Variants in ESRRG observed in about 807,000 individuals in gnomAD.
ESRRG encodes the protein estrogen related receptor gamma, also known as estrogen-related receptor gamma.
A neutral mutation model predicts 44.0 loss-of-function variants in ESRRG; 13 were observed. That is an observed-to-expected ratio of 0.30 (90% confidence interval 0.19 to 0.47). The LOEUF (loss-of-function observed/expected upper bound fraction) is 0.47, where lower values mean the gene tolerates loss of function less well. ESRRG is among the 20% of genes least tolerant of loss of function. The pLI, the probability that ESRRG is intolerant of heterozygous loss-of-function variation, is 1.00. For missense variants in ESRRG, 395 were observed against 580.6 expected (o/e 0.68, Z 3.29); for synonymous variants, 215 against 214.6 (o/e 1.00, Z -0.02).
chr1:216,662,396 T>C (rs1167135173), intron 2 of ESRRG, among the ~76,000 whole-genome samples: 2 of 151,932 alleles, frequency 1.3e-5, no homozygotes, highest in Non-Finnish European at 2.9e-5. Flanking sequence ...CAAAAAACAG[T>C]AATTACCCCA....
At chr1:216,561,004 C>A (rs1274645612) in intron 5 of ESRRG, among the ~76,000 whole-genome samples, 2 of 152,136 alleles carry the variant, frequency 1.3e-5, no homozygotes, top group African/African-American at 4.8e-5. Flanking sequence ...GCTCCTCCAA[C>A]TAAAGTCAAG....
chr1:216,995,999 T>C (rs919861654), intron 1 of ESRRG, among the ~76,000 whole-genome samples: 7 of 151,938 alleles, frequency 4.6e-5, no homozygotes, highest in Admixed American at 4.6e-4. Flanking sequence ...CAAAGGAAAA[T>C]CAAGTAATAA....
Position 216,519,140 on chromosome 1 carries a change from C to T in ESRRG, c.1132+12G>A. On this transcript the variant is annotated intron_variant, in intron 6 of 6. Transcript: ENST00000408911. ...AAAAAAAATGTAACAATGACTATGT[C>T]AGTATGCCAACCTGAATTAGCAAGA... is the stretch of plus-strand genomic sequence containing the variant. 6.2e-7 allele frequency: 1 copy of T among 1,610,956 alleles called. No homozygotes were observed. Among genetic ancestry groups the T allele is most frequent in the Non-Finnish European group, 8.5e-7 (1 of 1,178,306 alleles).
chr1:217,060,503 T>G (rs2088144220), intron 1 of ESRRG, among the ~76,000 whole-genome samples: 1 of 152,114 alleles, frequency 6.6e-6, no homozygotes, highest in African/African-American at 2.4e-5. Context: ...ATAATTAAGA[T>G]GAGAGAGCCA....
intron 3 of ESRRG, among the ~76,000 whole-genome samples, chr1:216,595,408 T>G (rs1042586055): frequency 1.2e-4 from 19 of 152,202 alleles, no homozygotes; most frequent in Admixed American, 9.2e-4. Context: ...ATGATTGAAT[T>G]TATTTATTTT....
chr1:217,135,140 C>G (rs2093031024), intron 1 of ESRRG, among the ~76,000 whole-genome samples: 1 of 152,232 alleles, frequency 6.6e-6, no homozygotes, highest in Admixed American at 6.5e-5. Context: ...CAGGTCAGAG[C>G]TACTGCGAAA....
chr1:216,929,806 C>T (rs12736559), intron 2 of ESRRG, among the ~76,000 whole-genome samples: 1 of 152,100 alleles, frequency 6.6e-6, no homozygotes, highest in African/African-American at 2.4e-5. Context: ...CCCCCCAGGT[C>T]TCTTCCTCCT....
At chr1:216,826,887 T>C (rs777282594) in intron 2 of ESRRG, among the ~76,000 whole-genome samples, 1 of 152,218 alleles carries the variant, frequency 6.6e-6, no homozygotes, top group Non-Finnish European at 1.5e-5. Flanking sequence ...CAATAATCAG[T>C]TGATCACGTG....
At chr1:216,666,185 C>T (rs757241039) in intron 2 of ESRRG, among the ~76,000 whole-genome samples, 28 of 152,136 alleles carry the variant, frequency 1.8e-4, no homozygotes, top group Non-Finnish European at 2.5e-4. Context: ...TCCCCCACAA[C>T]TAGTTACCAA....
intron 2 of ESRRG, among the ~76,000 whole-genome samples, chr1:216,859,583 T>C (rs552802833): frequency 3.7e-4 from 56 of 152,254 alleles, no homozygotes; most frequent in Middle Eastern, 3.4e-3. Flanking sequence ...AGTGCTTACA[T>C]AAGACTAGGA....
intron 3 of ESRRG, among the ~76,000 whole-genome samples, chr1:216,610,575 T>C (rs1242619067): frequency 6.6e-6 from 1 of 152,112 alleles, no homozygotes; most frequent in Non-Finnish European, 1.5e-5. Context: ...TCCTCTCCCC[T>C]AGCTCTGCCA....
chr1:217,019,695 T>C (rs1190190849), intron 1 of ESRRG, among the ~76,000 whole-genome samples: 4 of 152,204 alleles, frequency 2.6e-5, no homozygotes, highest in Non-Finnish European at 5.9e-5. Context: ...CTTCCACTTA[T>C]CATTTTTGTC....
intron 5 of ESRRG, among the ~76,000 whole-genome samples, chr1:216,540,730 A>G (rs1355492279): frequency 6.6e-6 from 1 of 152,034 alleles, no homozygotes; most frequent in Non-Finnish European, 1.5e-5. Context: ...AATAGCTAGA[A>G]ATAAAGACTA....
At chr1:216,779,443 A>AATATTTATAAATGTAAATATAAATAT (rs2093802048) in intron 2 of ESRRG, among the ~76,000 whole-genome samples, 1 of 5,418 alleles carries the variant, frequency 1.8e-4, no homozygotes, top group Non-Finnish European at 4.2e-4. Flanking sequence ...TATAAAAATA[A>AATATTTATAAATGTAAATATAAATAT]ATATTTATAA....
At chr1:217,130,566 C>T (rs2092951297) in intron 1 of ESRRG, among the ~76,000 whole-genome samples, 1 of 152,122 alleles carries the variant, frequency 6.6e-6, no homozygotes, top group Non-Finnish European at 1.5e-5. Context: ...TGTTACATCT[C>T]CACTTCCAAA....
intron 2 of ESRRG, among the ~76,000 whole-genome samples, chr1:216,854,162 T>C (rs2095882000): frequency 6.6e-6 from 1 of 151,690 alleles, no homozygotes; most frequent in African/African-American, 2.4e-5. Context: ...ATGGAGACCA[T>C]CCTGGCCAAC....
chr1:216,813,756 C>T (rs1056350400), intron 2 of ESRRG, among the ~76,000 whole-genome samples: 4 of 152,182 alleles, frequency 2.6e-5, no homozygotes, highest in African/African-American at 7.2e-5. Context: ...ACTATACACA[C>T]ATAATTGTTA....
chr1:216,778,092 G>C (rs776619068), intron 2 of ESRRG, among the ~76,000 whole-genome samples: 9 of 152,054 alleles, frequency 5.9e-5, no homozygotes, highest in Non-Finnish European at 8.8e-5. Context: ...ACCAAACAGA[G>C]AAACCTGTTG....
intron 1 of ESRRG, among the ~76,000 whole-genome samples, chr1:216,987,350 C>T (rs2150464453): frequency 6.6e-6 from 1 of 152,324 alleles, no homozygotes; most frequent in African/African-American, 2.4e-5. Flanking sequence ...ATGCTAGTGG[C>T]ACCAGGGACT....
Sources: gnomAD v4.1 joint callset for allele counts (sites outside exome capture counted in the v4.1 genomes callset) on GRCh38, gnomAD v4.1.1 for gene constraint, MANE v1.5 for transcripts, NCBI Gene and HGNC (gene_info 2026-07-23, HGNC 2026-07-21) for gene names.